Variants in ERO1B observed in about 807,000 individuals in gnomAD.
The protein encoded by ERO1B is endoplasmic reticulum oxidoreductase 1 beta.
A neutral mutation model predicts 75.3 loss-of-function variants in ERO1B; 49 were observed. That is an observed-to-expected ratio of 0.65 (90% CI 0.52 to 0.83). ERO1B has a LOEUF of 0.83. Among genes scored for constraint, ERO1B ranks in the 40% least tolerant of loss-of-function variants. The pLI is 0.00. For missense variants in ERO1B, 512 were observed against 560.1 expected (o/e 0.91, Z 0.87); for synonymous variants, 191 against 192.9 (o/e 0.99, Z 0.08).
At chr1:236,246,111 T>G (rs527893962) in intron 5 of ERO1B, among the ~76,000 whole-genome samples, 1 of 152,330 alleles carries the variant, frequency 6.6e-6, no homozygotes, top group East Asian at 1.9e-4. Context: ...TGGCAGTACC[T>G]AATCTCATTT....
intron 2 of ERO1B, among the ~76,000 whole-genome samples, chr1:236,260,956 C>T (rs1665282124): frequency 6.6e-6 from 1 of 152,032 alleles, no homozygotes; most frequent in Non-Finnish European, 1.5e-5. Flanking sequence ...GTAAAAAGAT[C>T]ACTCACCATG....
At chr1:236,257,240 C>T (rs918784438) in intron 2 of ERO1B, among the ~76,000 whole-genome samples, 4 of 152,178 alleles carry the variant, frequency 2.6e-5, no homozygotes, top group Non-Finnish European at 5.9e-5. Flanking sequence ...ACACCTGGTA[C>T]ATAAGACCAG....
Position 236,250,655 on chromosome 1 carries a change from C to A in ERO1B, c.349-688G>T, listed in dbSNP as rs374790212. On this transcript the variant is annotated intron_variant, in intron 4 of 15. Transcript: ENST00000354619. ...GTGCAAACATATATATATATATGGTCAAATTTAGTTCTAAAGAGGGTTTTT... is the reference window on the plus strand; with the variant it reads ...GTGCAAACATATATATATATATGGTAAAATTTAGTTCTAAAGAGGGTTTTT... 4.8e-3 allele frequency among the ~76,000 whole-genome samples: 534 copies of A among 112,132 alleles called. 6 individuals carry two copies. The highest frequency in any genetic ancestry group is 7.8e-3 in the Non-Finnish European group (421 of 53,796). The allele number at this position is 112,132 out of a possible 152,430, so 73.6% of individuals were successfully genotyped here. A position where few individuals can be genotyped will look rare whatever the true frequency, so the allele number is the denominator to read the frequency against.
chr1:236,257,752 T>C (rs1053669280), intron 2 of ERO1B, among the ~76,000 whole-genome samples: 11 of 151,278 alleles, frequency 7.3e-5, no homozygotes, highest in African/African-American at 2.2e-4. Context: ...ACAGAAATCA[T>C]TGACCTGAAG....
At chr1:236,275,897 G>A (rs954917349) in intron 1 of ERO1B, among the ~76,000 whole-genome samples, 8 of 152,176 alleles carry the variant, frequency 5.3e-5, no homozygotes, top group African/African-American at 1.9e-4. Flanking sequence ...TAAGCAAAGG[G>A]TGACAGGAAT....
rs1664276886 is a variant in ERO1B at position 236,226,293 on chromosome 1, A to G, written c.1028T>C (p.Leu343Pro). 6.2e-7 allele frequency: 1 copy of G among 1,613,970 alleles called. No individual in the cohort carries two copies. The highest frequency in any genetic ancestry group is 2.2e-5 in the East Asian group (1 of 44,864). Residue 343 changes from leucine to proline, a missense_variant, in exon 12 of 16, where the codon CTA (leucine) becomes CCA (proline). Physicochemically the swap from Leu to Pro is moderately conservative, Grantham distance 98. Coordinates refer to ENST00000354619, the MANE Select transcript of ERO1B (RefSeq NM_019891.4). ...AEEDADTKTL[L>P]LNIFQDTKSF... ...CTTTGTATCTTGAAAGATATTCAGT[A>G]GAAGAGTTTTTGTGTCAGCATCTTC...
chr1:236,274,474 T>C lies in ERO1B; in HGVS notation c.103-4480A>G, dbSNP rs115210104. ...TTCACTTTTCTGTTAGGTTATCTTC[T>C]TCATACTCATCTGCAGAAATCAATA... On this transcript the variant is annotated intron_variant, in intron 1 of 15. Transcript: ENST00000354619. 3.1e-3 allele frequency among the ~76,000 whole-genome samples: 477 copies of C among 152,346 alleles called. 2 individuals are homozygous for C. The highest frequency in any genetic ancestry group is 0.01 in the Middle Eastern group (3 of 294).
Position 236,258,149 on chromosome 1 carries a change from C to CAAAAAAAAAAAA in ERO1B, c.223-4656_223-4645dup, listed in dbSNP as rs58531434. On this transcript the variant is annotated intron_variant, in intron 2 of 15. Transcript: ENST00000354619. ...AGAAAGAAAAAAAAGAAAAACAAAG[C>CAAAAAAAAAAAA]AAAAAAAAAAAAAACCCAGCCAGAT... Among the ~76,000 whole-genome samples the CAAAAAAAAAAAA allele has an allele frequency of 6.2e-5, 6 of 96,568 alleles. 1 individual carries two copies. The highest frequency in any genetic ancestry group is 1.2e-4 in the Admixed American group (1 of 8,312). The allele number at this position is 96,568 out of a possible 152,430, so 63.4% of individuals were successfully genotyped here.
chr1:236,263,089 C>G (rs1665329444), intron 2 of ERO1B, among the ~76,000 whole-genome samples: 1 of 152,148 alleles, frequency 6.6e-6, no homozygotes, highest in Non-Finnish European at 1.5e-5. Flanking sequence ...TCCCTTTGCC[C>G]AATCCTGATT....
chr1:236,243,999 G>A (rs1558512531), intron 5 of ERO1B, among the ~76,000 whole-genome samples: 2 of 152,164 alleles, frequency 1.3e-5, no homozygotes, highest in South Asian at 2.1e-4. Context: ...TTATCATGGT[G>A]TATCACTCGT....
chr1:236,245,328 A>G lies in ERO1B; in HGVS notation c.432-1833T>C, dbSNP rs1265815837. 8.0e-5 allele frequency among the ~76,000 whole-genome samples: 2 copies of G among 25,028 alleles called. 1 individual carries two copies. Among genetic ancestry groups the G allele is most frequent in the East Asian group, 8.3e-3 (2 of 242 alleles). 16.4% of individuals were successfully genotyped at this position (25,028 alleles called of 152,430 possible). ...TATATATATATATATATATACACAC[A>G]CGTATATATATACGTATATATATAC... On this transcript the variant is annotated intron_variant, in intron 5 of 15. Transcript: ENST00000354619.
chr1:236,216,303 CTAGTA>C lies in ERO1B; in HGVS notation c.*2208_*2212del, dbSNP rs950652537. On this transcript the variant is annotated 3_prime_UTR_variant, in exon 16 of 16. Coordinates refer to ENST00000354619, the MANE Select transcript of ERO1B (RefSeq NM_019891.4). ...GCATTTTTACAATGCAAACAGTACT[CTAGTA>C]TAATATCACTTCACGACAAAAGATG... The C allele has an allele frequency of 2.0e-5, 3 of 152,028 alleles. No individual in the cohort carries two copies. Among genetic ancestry groups the C allele is most frequent in the African/African-American group, 7.2e-5 (3 of 41,412 alleles). The allele number at this position is 152,028 out of a possible 1,614,324, so 9.4% of individuals were successfully genotyped here. A position where few individuals can be genotyped will look rare whatever the true frequency, so the allele number is the denominator to read the frequency against.
chr1:236,278,640 A>T (rs1049146001), intron 1 of ERO1B, among the ~76,000 whole-genome samples: 3 of 152,166 alleles, frequency 2.0e-5, no homozygotes, highest in African/African-American at 7.2e-5. Context: ...ATGCCACCTC[A>T]GAAATGCATT....
intron 2 of ERO1B, among the ~76,000 whole-genome samples, chr1:236,269,072 T>C (rs1665530853): frequency 6.6e-6 from 1 of 151,552 alleles, no homozygotes; most frequent in East Asian, 2.0e-4. Context: ...CAGTCTGTAC[T>C]AAAAATACAA....
intron 8 of ERO1B, among the ~76,000 whole-genome samples, chr1:236,233,269 A>C (rs1243815308): frequency 6.7e-6 from 1 of 150,032 alleles, no homozygotes; most frequent in Non-Finnish European, 1.5e-5. Flanking sequence ...AGATCGCGCC[A>C]TTGCACTCCA....
chr1:236,265,488 G>A lies in ERO1B; in HGVS notation c.222+4387C>T, dbSNP rs114942154. On this transcript the variant is annotated intron_variant, in intron 2 of 15. Coordinates refer to ENST00000354619, the MANE Select transcript of ERO1B (RefSeq NM_019891.4). ...TTCATCAGAAAAGCTTGCTGGTGTTGCCTTTTGTGTACAACCCTAATTTGA... is the reference window on the plus strand; with the variant it reads ...TTCATCAGAAAAGCTTGCTGGTGTTACCTTTTGTGTACAACCCTAATTTGA... Among the ~76,000 whole-genome samples the A allele has an allele frequency of 6.3e-3, 958 of 152,186 alleles. 10 individuals carry two copies. The highest frequency in any genetic ancestry group is 0.022 in the African/African-American group (918 of 41,514).
At chr1:236,236,540 T>TAACC in intron 6 of ERO1B, 142 bp from the exon 7 acceptor site, 4 of 822,844 alleles carry the variant, frequency 4.9e-6, no homozygotes, top group Non-Finnish European at 7.3e-6. Context: ...GTATAGTGGT[T>TAACC]AGTATACTTG....
At chr1:236,272,267 G>A (rs1033362608) in intron 1 of ERO1B, among the ~76,000 whole-genome samples, 2 of 151,964 alleles carry the variant, frequency 1.3e-5, no homozygotes, top group East Asian at 1.9e-4. Flanking sequence ...CGTTTATCAC[G>A]GCACTATTCA....
chr1:236,267,498 C>G (rs1665474246), intron 2 of ERO1B, among the ~76,000 whole-genome samples: 1 of 152,020 alleles, frequency 6.6e-6, no homozygotes, highest in African/African-American at 2.4e-5. Flanking sequence ...ACACAAGATA[C>G]AAACCCAAAG....
Sources: allele counts gnomAD v4.1 joint callset (sites outside exome capture counted in the v4.1 genomes callset), GRCh38; gene constraint gnomAD v4.1.1; transcripts MANE v1.5; gene names NCBI Gene and HGNC (gene_info 2026-07-23, HGNC 2026-07-21).